BZW2: variants seen among roughly 807,000 people sequenced by gnomAD.
The protein encoded by BZW2 is basic leucine zipper and W2 domains 2.
BZW2 carries 23 observed loss-of-function variants against 53.2 expected under a neutral mutation model. That is an observed-to-expected ratio of 0.43 (90% CI 0.31 to 0.61). The LOEUF is 0.61. Among genes scored for constraint, BZW2 ranks in the 20% least tolerant of loss-of-function variants. The pLI, the probability that BZW2 is intolerant of heterozygous loss-of-function variation, is 0.09. For missense variants in BZW2, 409 were observed against 503.1 expected, an observed-to-expected ratio of 0.81 and a Z score of 1.79; for synonymous variants, 227 against 186.4, an observed-to-expected ratio of 1.22 and a Z score of -1.77.
chr7:16,652,170 T>G (rs1382688132), intron 1 of BZW2, among the ~76,000 whole-genome samples: 1 of 152,236 alleles, frequency 6.6e-6, no homozygotes, highest in Non-Finnish European at 1.5e-5. Context: ...GTGCCTTATC[T>G]GAAGGTTAGC....
At chr7:16,681,757 A>G (rs818505) in intron 4 of BZW2, among the ~76,000 whole-genome samples, 61,281 of 152,008 alleles carry the variant, frequency 0.4, 14,327 homozygotes, top group African/African-American at 0.66. Context: ...ACTTGAACCC[A>G]GAAGGCGGAG....
intron 3 of BZW2, among the ~76,000 whole-genome samples, chr7:16,675,620 G>A (rs949184239): frequency 2.6e-5 from 4 of 152,292 alleles, no homozygotes; most frequent in Admixed American, 6.5e-5. Context: ...TGCCTTGCTA[G>A]TTTTCACCAC....
chr7:16,703,831 AAGAT>A (rs1329513106), intron 10 of BZW2, among the ~76,000 whole-genome samples: 2 of 152,200 alleles, frequency 1.3e-5, no homozygotes, highest in Non-Finnish European at 1.5e-5. Context: ...TTTTAGACAA[AAGAT>A]AGTTAACATT....
chr7:16,661,022 T>A (rs1782244974), intron 1 of BZW2, among the ~76,000 whole-genome samples: 1 of 152,200 alleles, frequency 6.6e-6, no homozygotes, highest in African/African-American at 2.4e-5. Context: ...AAAATATTTT[T>A]CTTTTATTTC....
chr7:16,701,310 T>C (rs1464219030), intron 10 of BZW2, among the ~76,000 whole-genome samples: 1 of 152,178 alleles, frequency 6.6e-6, no homozygotes, highest in Non-Finnish European at 1.5e-5. Flanking sequence ...CTCAGCATGG[T>C]CTAAAATGTG....
At chr7:16,705,990 A>G in intron 11 of BZW2, 70 bp from the exon 12 acceptor site, 2 of 1,571,946 alleles carry the variant, frequency 1.3e-6, no homozygotes, top group Non-Finnish European at 1.8e-6. Flanking sequence ...TGGGTTGGTG[A>G]CTGTAGTAAC....
chr7:16,654,083 CAAAAAAAAAAAAAA>C (rs61590306), intron 1 of BZW2, among the ~76,000 whole-genome samples: 1 of 82,534 alleles, frequency 1.2e-5, no homozygotes, highest in African/African-American at 4.5e-5. Flanking sequence ...CCCATCTCTA[CAAAAAAAAAAAAAA>C]AAAAAAAAAA....
intron 2 of BZW2, among the ~76,000 whole-genome samples, chr7:16,667,259 C>T (rs1256141482): frequency 7.8e-6 from 1 of 128,282 alleles, no homozygotes; most frequent in Non-Finnish European, 1.6e-5. Context: ...GCAGCCTGGG[C>T]AACGAGTGAA....
At chr7:16,666,266 TA>T (rs1292602988) in intron 2 of BZW2, among the ~76,000 whole-genome samples, 1 of 151,856 alleles carries the variant, frequency 6.6e-6, no homozygotes, top group Non-Finnish European at 1.5e-5. Flanking sequence ...GGCTACGTTT[TA>T]AAAAAATTTT....
At chr7:16,701,376 A>G (rs1276601674) in intron 10 of BZW2, among the ~76,000 whole-genome samples, 2 of 152,168 alleles carry the variant, frequency 1.3e-5, no homozygotes, top group African/African-American at 4.8e-5. Context: ...TCTTGTTTGC[A>G]GAAATTTTTT....
chr7:16,685,857 T>G, intron 5 of BZW2, 48 bp from the exon 6 acceptor site: 1 of 1,487,460 alleles, frequency 6.7e-7, no homozygotes. Flanking sequence ...ATGGTTCCTT[T>G]TTTTTTCTTT....
intron 10 of BZW2, among the ~76,000 whole-genome samples, chr7:16,703,344 T>C (rs900407605): frequency 4.6e-5 from 7 of 152,202 alleles, no homozygotes; most frequent in Non-Finnish European, 7.4e-5. Flanking sequence ...ATCATGTTCA[T>C]TTTAGTCAGC....
At chr7:16,656,137 C>CTATATATATATATATATATATATATA (rs1554264390) in intron 1 of BZW2, among the ~76,000 whole-genome samples, 155 of 141,474 alleles carry the variant, frequency 1.1e-3, no homozygotes, top group African/African-American at 4.1e-3. Context: ...ATATAAATGA[C>CTATATATATATATATATATATATATA]TATATATATA....
intron 10 of BZW2, chr7:16,698,395 A>G (rs1216185780): frequency 3.7e-6 from 2 of 535,136 alleles, no homozygotes; most frequent in African/African-American, 3.8e-5. Context: ...AACCCTGCTT[A>G]GGCCCCTGGG....
At chr7:16,651,720 T>C (rs1781987612) in intron 1 of BZW2, among the ~76,000 whole-genome samples, 1 of 152,192 alleles carries the variant, frequency 6.6e-6, no homozygotes, top group South Asian at 2.1e-4. Context: ...CTAATATTCG[T>C]ATGTCCCTAA....
At position 16,667,784 on chromosome 7, in the gene BZW2, T is replaced by C. The variant is rs188383223; in HGVS notation, c.58+2283T>C. ...GTTTTGCACTCTCCCTTTTCTATTT[T>C]TTTCATTTCTGGCCTATCCGCATGA... On this transcript the variant is annotated intron_variant, in intron 2 of 11. Transcript: ENST00000258761. Among the ~76,000 whole-genome samples, 792 of 152,352 alleles carry C rather than the reference T, an allele frequency of 5.2e-3. 6 individuals carry two copies. Among genetic ancestry groups the C allele is most frequent in the African/African-American group, 0.018 (743 of 41,580 alleles).
chr7:16,691,916 G>T (rs1227118075), intron 7 of BZW2, among the ~76,000 whole-genome samples: 1 of 151,986 alleles, frequency 6.6e-6, no homozygotes, highest in Non-Finnish European at 1.5e-5. Context: ...ATATGTGTGT[G>T]TTTGTGTATA....
In BZW2 at chr7:16,646,250, G is replaced by T. The variant is rs1042864483; in HGVS notation, c.-46G>T. On this transcript the variant is annotated 5_prime_UTR_variant, in exon 1 of 12. Transcript: ENST00000258761. ...CGCTGCTGCTGCACGAATCGCCGCA[G>T]CCCCCAGCCTTGCGCGTCGTCGCTA... is the stretch of plus-strand genomic sequence containing the variant. 6 of 311,468 alleles carry T rather than the reference G, an allele frequency of 1.9e-5. No homozygotes were observed. The highest frequency in any genetic ancestry group is 1.1e-4 in the Admixed American group (3 of 27,988). 19.3% of individuals were successfully genotyped at this position (311,468 alleles called of 1,614,324 possible).
chr7:16,690,452 A>C (rs1391217155), intron 7 of BZW2, among the ~76,000 whole-genome samples: 3 of 151,884 alleles, frequency 2.0e-5, no homozygotes, highest in Admixed American at 2.0e-4. Context: ...TAATCCGCCC[A>C]CCTCAGCCTC....
Sources: gnomAD v4.1 joint callset for allele counts (sites outside exome capture counted in the v4.1 genomes callset) on GRCh38, gnomAD v4.1.1 for gene constraint, MANE v1.5 for transcripts, NCBI Gene and HGNC (gene_info 2026-07-23, HGNC 2026-07-21) for gene names.